The following UBE2J2 variants were observed in gnomAD, a reference collection of about 807,000 sequenced individuals.
UBE2J2 encodes the protein ubiquitin conjugating enzyme E2 J2, also known as ubiquitin-conjugating enzyme E2 J2.
In UBE2J2, 5 loss-of-function variants were observed where a neutral mutation model predicts 28.6. The observed-to-expected ratio is 0.17, with a 90% CI of 0.09 to 0.37. The LOEUF (loss-of-function observed/expected upper bound fraction) is 0.37, where lower values mean the gene tolerates loss of function less well. Ranked by LOEUF, UBE2J2 falls within the 10% of genes least tolerant of loss-of-function variation. The pLI is 1.00. For missense variants in UBE2J2, 226 were observed against 338.9 expected, an observed-to-expected ratio of 0.67 and a Z score of 2.62; for synonymous variants, 138 against 139.7, an observed-to-expected ratio of 0.99 and a Z score of 0.09.
chr1:1,263,241 A>T (rs1235273752), intron 3 of UBE2J2, 105 bp downstream of exon 3: 1 of 1,089,460 alleles, frequency 9.2e-7, no homozygotes, highest in East Asian at 2.4e-5. Flanking sequence ...GCACACATCC[A>T]AAGTAGAAAG....
intron 1 of UBE2J2, among the ~76,000 whole-genome samples, chr1:1,269,171 G>GT (rs1302883065): frequency 6.6e-6 from 1 of 150,546 alleles, no homozygotes; most frequent in African/African-American, 2.5e-5. Context: ...GAGAGGGGTG[G>GT]TGATCATCAT....
At chr1:1,255,931 G>A (rs763736750) in intron 6 of UBE2J2, 114 bp downstream of exon 6, 46 of 798,972 alleles carry the variant, frequency 5.8e-5, no homozygotes, top group Non-Finnish European at 1.7e-5. Context: ...GGGGAGAGGA[G>A]CCATCCCCTG....
At chr1:1,262,208 A>G in intron 3 of UBE2J2, 2 of 410,204 alleles carry the variant, frequency 4.9e-6, no homozygotes, top group South Asian at 1.7e-5. Context: ...GAAGGCACAC[A>G]CACGCATCGT....
chr1:1,259,176 G>A (rs1309374790), intron 3 of UBE2J2, among the ~76,000 whole-genome samples: 4 of 151,334 alleles, frequency 2.6e-5, no homozygotes, highest in Admixed American at 1.3e-4. Flanking sequence ...GTGTGTGCAT[G>A]CCATCAGGAC....
chr1:1,265,595 T>C (rs1428147229), intron 2 of UBE2J2, among the ~76,000 whole-genome samples: 1 of 134,420 alleles, frequency 7.4e-6, no homozygotes, highest in Admixed American at 7.4e-5. Flanking sequence ...GTGTGTGTTT[T>C]CTCTCCATTG....
intron 3 of UBE2J2, among the ~76,000 whole-genome samples, chr1:1,259,853 T>C (rs1317850925): frequency 6.6e-6 from 1 of 152,204 alleles, no homozygotes; most frequent in East Asian, 1.9e-4. Flanking sequence ...GGGAAACCTG[T>C]GTGCAGAACG....
In UBE2J2 at chr1:1,264,812, C is replaced by G. The variant is rs112631554; in HGVS notation, c.132-1426G>C. ...AATCCCAGCTACTCAGGAGGCTGAG[C>G]CAGGAGAATCGCTTGAACCTGGAAG... On this transcript the variant is annotated intron_variant, in intron 2 of 6. Transcript: ENST00000349431. 0.082 allele frequency: 12,504 copies of G among 153,174 alleles called. 994 individuals are homozygous for G. The highest frequency in any genetic ancestry group is 0.21 in the African/African-American group (8,592 of 41,486). 9.5% of individuals were successfully genotyped at this position (153,174 alleles called of 1,614,324 possible).
At chr1:1,263,893 G>A (rs1375162037) in intron 2 of UBE2J2, among the ~76,000 whole-genome samples, 1 of 152,012 alleles carries the variant, frequency 6.6e-6, no homozygotes, top group African/African-American at 2.4e-5. Context: ...TCAGGAGGCT[G>A]AGGCGGGAGG....
intron 3 of UBE2J2, among the ~76,000 whole-genome samples, chr1:1,260,225 T>G (rs1200647009): frequency 6.6e-6 from 1 of 152,138 alleles, no homozygotes; most frequent in African/African-American, 2.4e-5. Flanking sequence ...AGCCCAGGAA[T>G]GACACCCAGA....
intron 6 of UBE2J2, 81 bp from the exon 7 acceptor site, chr1:1,255,568 C>T (rs545481970): frequency 6.9e-6 from 10 of 1,458,412 alleles, no homozygotes; most frequent in East Asian, 2.3e-5. Flanking sequence ...CAGGAGTCCA[C>T]GGTCCACCAC....
intron 3 of UBE2J2, among the ~76,000 whole-genome samples, chr1:1,258,786 C>T (rs1014931792): frequency 1.3e-5 from 2 of 152,264 alleles, no homozygotes; most frequent in East Asian, 1.9e-4. Flanking sequence ...TAGAGCCGCA[C>T]ACCCTGTGTG....
rs1174758119 is a variant in UBE2J2 at position 1,268,343 on chromosome 1, G to C, written c.1-351C>G. On this transcript the variant is annotated intron_variant, in intron 1 of 6. Coordinates refer to ENST00000349431, the MANE Select transcript of UBE2J2 (RefSeq NM_058167.3). The surrounding 1 kb of genome is among the most constrained non-coding windows in gnomAD (Gnocchi z 4.7). Reference sequence around the variant, plus strand: ...GCCACAGCCTCAGACCAGCTCCTGAGGGCAGCTACTCGCACCTTCCAACTC... The same window carrying C: ...GCCACAGCCTCAGACCAGCTCCTGACGGCAGCTACTCGCACCTTCCAACTC... Among the ~76,000 whole-genome samples the C allele has an allele frequency of 6.6e-6, 1 of 152,118 alleles. No homozygotes were observed. The highest frequency in any genetic ancestry group is 1.5e-5 in the Non-Finnish European group (1 of 68,016).
At chr1:1,269,781 T>C (rs1267401134) in intron 1 of UBE2J2, among the ~76,000 whole-genome samples, 1 of 152,172 alleles carries the variant, frequency 6.6e-6, no homozygotes, top group Non-Finnish European at 1.5e-5. Flanking sequence ...CACGATTTAA[T>C]AACGTCTGTG....
Position 1,253,936 on chromosome 1 carries a change from G to A in UBE2J2, c.*1267C>T, listed in dbSNP as rs1257792950. 1 of 152,236 alleles carries A rather than the reference G, an allele frequency of 6.6e-6. No individual in the cohort carries two copies. Among genetic ancestry groups the A allele is most frequent in the Non-Finnish European group, 1.5e-5 (1 of 68,042 alleles). 9.4% of individuals were successfully genotyped at this position (152,236 alleles called of 1,614,324 possible). On this transcript the variant is annotated 3_prime_UTR_variant, in exon 7 of 7. Transcript: ENST00000349431. ...ATTCAGAAATAAAGATATAATGAAA[G>A]ACCTTTTTTTTCCACAAGAATAGGT...
chr1:1,253,954 G>A lies in UBE2J2; in HGVS notation c.*1249C>T, dbSNP rs1639041250. On this transcript the variant is annotated 3_prime_UTR_variant, in exon 7 of 7. Coordinates refer to ENST00000349431, the MANE Select transcript of UBE2J2 (RefSeq NM_058167.3). ...AATGAAAGACCTTTTTTTTCCACAA[G>A]AATAGGTTAAATACATACAATTGGT... 6.6e-6 allele frequency: 1 copy of A among 152,074 alleles called. No homozygotes were observed. The highest frequency in any genetic ancestry group is 2.4e-5 in the African/African-American group (1 of 41,414). The allele number at this position is 152,074 out of a possible 1,614,324, so 9.4% of individuals were successfully genotyped here.
chr1:1,273,112 C>A (rs978778198), intron 1 of UBE2J2: 2 of 152,300 alleles, frequency 1.3e-5, no homozygotes, highest in African/African-American at 2.4e-5. Flanking sequence ...TGAAAGGATG[C>A]AGGGAACTGG....
intron 2 of UBE2J2, 129 bp downstream of exon 2, chr1:1,267,733 C>A (rs896058139): frequency 2.3e-5 from 35 of 1,530,590 alleles, no homozygotes; most frequent in Admixed American, 3.8e-5. Flanking sequence ...CCCCACTCAC[C>A]CCGGGGGAGG....
intron 2 of UBE2J2, among the ~76,000 whole-genome samples, chr1:1,266,810 G>C (rs1220527109): frequency 1.3e-5 from 2 of 152,310 alleles, no homozygotes; most frequent in African/African-American, 2.4e-5. Context: ...CTGGGTGACA[G>C]TGCAAGACTG....
At chr1:1,266,650 T>C (rs1308738446) in intron 2 of UBE2J2, among the ~76,000 whole-genome samples, 1 of 150,966 alleles carries the variant, frequency 6.6e-6, no homozygotes, top group East Asian at 2.0e-4. Flanking sequence ...TGAAACCCCG[T>C]CTCTACTAAA....
Sources: allele counts gnomAD v4.1 joint callset (sites outside exome capture counted in the v4.1 genomes callset), GRCh38; gene constraint gnomAD v4.1.1; non-coding constraint Gnocchi (gnomAD v3.1); transcripts MANE v1.5; gene names NCBI Gene and HGNC (gene_info 2026-07-23, HGNC 2026-07-21).